The following CSMD1 variants were observed in gnomAD, a reference collection of about 807,000 sequenced individuals.
CSMD1 encodes the protein CUB and Sushi multiple domains 1, also known as CUB and sushi domain-containing protein 1.
Under a neutral mutation model 417.5 loss-of-function variants are expected in CSMD1, and 213 were observed. The observed-to-expected ratio is 0.51, with a 90% CI of 0.46 to 0.57. CSMD1 has a LOEUF of 0.57. CSMD1 is among the 20% of genes least tolerant of loss of function. The pLI is 0.00. For synonymous variants in CSMD1, 2,862 were observed against 1,736.8 expected (o/e 1.65, Z -16.11); for missense variants, 6,923 against 4,529.7 (o/e 1.53, Z -15.17).
intron 6 of CSMD1, among the ~76,000 whole-genome samples, chr8:3,752,881 G>T (rs1209914840): frequency 6.6e-6 from 1 of 151,936 alleles, no homozygotes; most frequent in Non-Finnish European, 1.5e-5. Flanking sequence ...TCATCCTGAA[G>T]GAAACGATGA....
chr8:3,295,618 A>C (rs941644206), intron 25 of CSMD1, among the ~76,000 whole-genome samples: 2 of 152,230 alleles, frequency 1.3e-5, no homozygotes, highest in African/African-American at 4.8e-5. Flanking sequence ...GGATCTTTCT[A>C]GGCCAGCATG....
chr8:3,479,538 C>A (rs375493854), intron 11 of CSMD1, among the ~76,000 whole-genome samples: 1 of 152,210 alleles, frequency 6.6e-6, no homozygotes, highest in African/African-American at 2.4e-5. Context: ...CCTCGGCCCC[C>A]CAAAGTGCTG....
intron 2 of CSMD1, among the ~76,000 whole-genome samples, chr8:4,445,687 T>A (rs1312606815): frequency 1.3e-5 from 2 of 152,300 alleles, no homozygotes; most frequent in Non-Finnish European, 1.5e-5. Context: ...ATTGTCACTT[T>A]CCCACAACTT....
intron 12 of CSMD1, among the ~76,000 whole-genome samples, chr8:3,431,860 G>T (rs189296831): frequency 3.3e-5 from 5 of 151,994 alleles, no homozygotes; most frequent in African/African-American, 1.2e-4. Flanking sequence ...CTGCCACCAC[G>T]CCCACAGTGA....
chr8:3,467,028 C>T (rs1262181758), intron 12 of CSMD1, among the ~76,000 whole-genome samples: 6 of 152,132 alleles, frequency 3.9e-5, no homozygotes, highest in Admixed American at 3.9e-4. Context: ...GGACTGATGG[C>T]CATTCACGTT....
intron 3 of CSMD1, among the ~76,000 whole-genome samples, chr8:4,213,493 T>G (rs181105452): frequency 6.6e-6 from 1 of 152,356 alleles, no homozygotes; most frequent in East Asian, 1.9e-4. Context: ...TGAAAAACAC[T>G]TGCTAAATAA....
intron 1 of CSMD1, among the ~76,000 whole-genome samples, chr8:4,736,452 G>A (rs975754279): frequency 6.6e-6 from 1 of 152,062 alleles, no homozygotes; most frequent in Non-Finnish European, 1.5e-5. Context: ...GAAGCAGCAG[G>A]CCCCTCAGGT....
At chr8:3,079,658 T>G (rs903099875) in intron 49 of CSMD1, among the ~76,000 whole-genome samples, 1 of 152,176 alleles carries the variant, frequency 6.6e-6, no homozygotes. Flanking sequence ...TTTAAAAATT[T>G]TGTATAAAGT....
intron 1 of CSMD1, among the ~76,000 whole-genome samples, chr8:4,864,854 C>T (rs564535566): frequency 7.1e-6 from 1 of 141,672 alleles, no homozygotes; most frequent in African/African-American, 2.6e-5. Flanking sequence ...GGCCTAATAT[C>T]ACTGAAATAT....
chr8:3,620,109 G>GAAGAAAAGAA, intron 7 of CSMD1, among the ~76,000 whole-genome samples: 1 of 151,900 alleles, frequency 6.6e-6, no homozygotes, highest in Middle Eastern at 3.4e-3. Context: ...CTGAAGAAAA[G>GAAGAAAAGAA]AAGAAAAGAA....
chr8:3,944,267 G>A (rs998445070), intron 5 of CSMD1, among the ~76,000 whole-genome samples: 2 of 152,216 alleles, frequency 1.3e-5, no homozygotes, highest in Admixed American at 1.3e-4. Flanking sequence ...CAAAGAGAGA[G>A]CAAAGTAGAG....
At position 4,153,673 on chromosome 8, in the gene CSMD1, C is replaced by T. The variant is rs560980327; in HGVS notation, c.416-121574G>A. Reference sequence around the variant, plus strand: ...CCTTTATTTTCTCATAACGTCACTGCCTGGAATTTCCGCTTCCATCAATCC... The same window carrying T: ...CCTTTATTTTCTCATAACGTCACTGTCTGGAATTTCCGCTTCCATCAATCC... On this transcript the variant is annotated intron_variant, in intron 3 of 69. Coordinates refer to ENST00000635120, the MANE Select transcript of CSMD1 (RefSeq NM_033225.6). 1.5e-4 allele frequency among the ~76,000 whole-genome samples: 23 copies of T among 152,320 alleles called. No individual in the cohort carries two copies. The South Asian group carries it at 3.9e-3, about 26-fold the overall frequency.
At chr8:4,958,644 A>G (rs1295147858) in intron 1 of CSMD1, among the ~76,000 whole-genome samples, 1 of 152,174 alleles carries the variant, frequency 6.6e-6, no homozygotes, top group Non-Finnish European at 1.5e-5. Context: ...ATCTATGTGA[A>G]CCAGTCTTTC....
chr8:4,546,108 A>T (rs1397493417), intron 2 of CSMD1, among the ~76,000 whole-genome samples: 1 of 152,158 alleles, frequency 6.6e-6, no homozygotes, highest in East Asian at 1.9e-4. Context: ...AAAGATTTCT[A>T]CTGAAACTTT....
At chr8:3,002,748 T>A (rs575964613) in intron 52 of CSMD1, among the ~76,000 whole-genome samples, 1 of 152,326 alleles carries the variant, frequency 6.6e-6, no homozygotes, top group African/African-American at 2.4e-5. Context: ...GGACTTGTAA[T>A]GGTCAAGGAA....
chr8:3,647,036 G>A (rs1052279503), intron 7 of CSMD1, among the ~76,000 whole-genome samples: 1 of 152,138 alleles, frequency 6.6e-6, no homozygotes, highest in African/African-American at 2.4e-5. Context: ...GCCACTTCTG[G>A]TGCTTCTTGC....
chr8:4,912,135 A>AAAAAAAGAAAAAAAG (rs1554518070), intron 1 of CSMD1, among the ~76,000 whole-genome samples: 1 of 115,666 alleles, frequency 8.6e-6, no homozygotes, highest in Non-Finnish European at 1.9e-5. Context: ...AAAAAAAAAA[A>AAAAAAAGAAAAAAAG]AAAAAAGAAA....
At chr8:4,146,324 C>T (rs145353001) in intron 3 of CSMD1, among the ~76,000 whole-genome samples, 1 of 150,812 alleles carries the variant, frequency 6.6e-6, no homozygotes, top group South Asian at 2.1e-4. Flanking sequence ...TCTGACACAT[C>T]CAAAGCAGGT....
intron 1 of CSMD1, among the ~76,000 whole-genome samples, chr8:4,667,762 T>C (rs1805030367): frequency 1.3e-5 from 2 of 152,224 alleles, no homozygotes; most frequent in African/African-American, 2.4e-5. Context: ...TTCTTGTATA[T>C]TGCTTAGAAT....
Sources: gnomAD v4.1 joint callset for allele counts (sites outside exome capture counted in the v4.1 genomes callset) on GRCh38, gnomAD v4.1.1 for gene constraint, MANE v1.5 for transcripts, NCBI Gene and HGNC (gene_info 2026-07-23, HGNC 2026-07-21) for gene names.